BAZ2B: variants seen among roughly 807,000 people sequenced by gnomAD.
BAZ2B encodes the protein bromodomain adjacent to zinc finger domain protein 2B.
A neutral mutation model predicts 246.0 loss-of-function variants in BAZ2B; 91 were observed. The observed-to-expected ratio is 0.37, with a 90% confidence interval of 0.31 to 0.44. BAZ2B has a LOEUF of 0.44. BAZ2B is among the 20% of genes least tolerant of loss of function. BAZ2B has a pLI of 1.00. For missense variants in BAZ2B, 2,332 were observed against 2,533.7 expected (o/e 0.92, Z 1.71); for synonymous variants, 855 against 860.0 (o/e 0.99, Z 0.10).
the BAZ2B span, among the ~76,000 whole-genome samples, chr2:159,711,492 CTG>C: frequency 6.6e-6 from 1 of 152,120 alleles, no homozygotes; most frequent in African/African-American, 2.4e-5. Flanking sequence ...CGTAGAAACA[CTG>C]TGTTTCATTT....
chr2:159,452,765 T>A (rs951551588), intron 4 of BAZ2B, among the ~76,000 whole-genome samples: 1 of 152,208 alleles, frequency 6.6e-6, no homozygotes, highest in African/African-American at 2.4e-5. Context: ...ACTGGTCTTC[T>A]TCCATGTAAG....
chr2:159,331,132 G>A (rs1575666072), intron 34 of BAZ2B, among the ~76,000 whole-genome samples: 1 of 152,146 alleles, frequency 6.6e-6, no homozygotes, highest in East Asian at 1.9e-4. Flanking sequence ...AAGAATGGAT[G>A]GGATCTGAGG....
At chr2:159,395,243 A>G (rs1187337167) in intron 20 of BAZ2B, among the ~76,000 whole-genome samples, 3 of 152,160 alleles carry the variant, frequency 2.0e-5, no homozygotes, top group African/African-American at 4.8e-5. Context: ...ACATATATCT[A>G]TTTCAACCTT....
intron 1 of BAZ2B, among the ~76,000 whole-genome samples, chr2:159,604,406 C>T (rs2151779895): frequency 6.6e-6 from 1 of 152,126 alleles, no homozygotes; most frequent in South Asian, 2.1e-4. Flanking sequence ...TCATGCCCAG[C>T]TATTTTTAAT....
chr2:159,398,964 G>A, intron 17 of BAZ2B, 70 bp from the exon 18 acceptor site: 1 of 1,415,040 alleles, frequency 7.1e-7, no homozygotes, highest in African/African-American at 1.4e-5. Context: ...TGTCAGACTT[G>A]AAATGAAGCT....
chr2:159,465,647 C>T lies in BAZ2B; in HGVS notation c.146-11846G>A, dbSNP rs181227163. On this transcript the variant is annotated intron_variant, in intron 3 of 36. Transcript: ENST00000392783. ...TTGAAAATTCAACAGCCTGAACAGG[C>T]GCGATGGCTCATGCCTGTAATCCCA... is the stretch of plus-strand genomic sequence containing the variant. 3.1e-3 allele frequency among the ~76,000 whole-genome samples: 467 copies of T among 152,294 alleles called. 3 individuals carry two copies. Among genetic ancestry groups the T allele is most frequent in the South Asian group, 5.0e-3 (24 of 4,820 alleles).
At chr2:159,350,475 C>A in intron 27 of BAZ2B, 118 bp from the exon 28 acceptor site, 2 of 895,960 alleles carry the variant, frequency 2.2e-6, no homozygotes, top group South Asian at 4.8e-5. Context: ...TTCTGTATTA[C>A]CTAATACTCC....
At chr2:159,688,921 G>A in the BAZ2B span, among the ~76,000 whole-genome samples, 1 of 152,182 alleles carries the variant, frequency 6.6e-6, no homozygotes, top group Non-Finnish European at 1.5e-5. Flanking sequence ...ACTACTGTTA[G>A]TGTTAACTTT....
At chr2:159,403,989 C>T (rs1014754034) in intron 16 of BAZ2B, among the ~76,000 whole-genome samples, 1 of 152,066 alleles carries the variant, frequency 6.6e-6, no homozygotes, top group South Asian at 2.1e-4. Context: ...AGTCATATTG[C>T]TTTAGTTAAT....
chr2:159,330,694 C>T (rs111489520), intron 34 of BAZ2B, among the ~76,000 whole-genome samples: 2,132 of 134,708 alleles, frequency 0.016, 53 homozygotes, highest in African/African-American at 0.059. Context: ...CCCATCTCTA[C>T]AAAATTAAAA....
chr2:159,535,628 A>T (rs1287797416), intron 2 of BAZ2B, among the ~76,000 whole-genome samples: 1 of 152,240 alleles, frequency 6.6e-6, no homozygotes. Flanking sequence ...TGTAAAAATG[A>T]TCACAGTATA....
At chr2:159,590,897 G>A (rs1439084081) in intron 1 of BAZ2B, among the ~76,000 whole-genome samples, 1 of 152,054 alleles carries the variant, frequency 6.6e-6, no homozygotes, top group South Asian at 2.1e-4. Context: ...CTAGCCTTTA[G>A]GAATCATTTT....
intron 36 of BAZ2B, chr2:159,322,026 AC>A (rs2062775344): frequency 1.3e-5 from 2 of 152,148 alleles, no homozygotes; most frequent in South Asian, 4.1e-4. Context: ...CCTACTGTGT[AC>A]CTGCAAAAAT....
At chr2:159,453,837 T>C (rs1397738694) in intron 3 of BAZ2B, 36 bp from the exon 4 acceptor site, 31 of 1,486,162 alleles carry the variant, frequency 2.1e-5, no homozygotes, top group Non-Finnish European at 2.7e-5. Context: ...AGTTGTACTA[T>C]AAAAAACAGA....
At chr2:159,621,868 G>T in the BAZ2B span, among the ~76,000 whole-genome samples, 1 of 152,152 alleles carries the variant, frequency 6.6e-6, no homozygotes, top group Non-Finnish European at 1.5e-5. Flanking sequence ...CACTTTGGGA[G>T]GCCGAGGCAG....
intron 2 of BAZ2B, among the ~76,000 whole-genome samples, chr2:159,549,824 C>CTTT (rs766811132): frequency 2.3e-5 from 3 of 131,134 alleles, no homozygotes; most frequent in African/African-American, 2.7e-5. Flanking sequence ...TTTTTTCTTT[C>CTTT]TTTTTTTTTT....
chr2:159,395,933 A>G, intron 19 of BAZ2B, 99 bp from the exon 20 acceptor site: 1 of 1,047,274 alleles, frequency 9.5e-7, no homozygotes, highest in South Asian at 1.6e-5. Context: ...AAAACTCAGT[A>G]TAGCATGTTT....
chr2:159,501,757 G>A (rs564818180), intron 2 of BAZ2B, among the ~76,000 whole-genome samples: 45 of 152,122 alleles, frequency 3.0e-4, no homozygotes, highest in African/African-American at 1.1e-3. Flanking sequence ...TTCCTCAAAA[G>A]GCTAAACATT....
chr2:159,414,685 C>T (rs554613058), intron 13 of BAZ2B, among the ~76,000 whole-genome samples: 3 of 151,650 alleles, frequency 2.0e-5, no homozygotes, highest in Admixed American at 6.6e-5. Flanking sequence ...GGCACGGTGG[C>T]GGGTGCCTGT....
Sources: gnomAD v4.1 joint callset for allele counts (sites outside exome capture counted in the v4.1 genomes callset) on GRCh38, gnomAD v4.1.1 for gene constraint, MANE v1.5 for transcripts, NCBI Gene and HGNC (gene_info 2026-07-23, HGNC 2026-07-21) for gene names.